MAP2K2: variants seen among roughly 807,000 people sequenced by gnomAD.
MAP2K2 encodes the protein mitogen-activated protein kinase kinase 2.
A neutral mutation model predicts 43.7 loss-of-function variants in MAP2K2; 24 were observed. That is an observed-to-expected ratio of 0.55 (90% CI 0.40 to 0.77). MAP2K2 has a LOEUF of 0.77. Ranked by LOEUF, MAP2K2 falls within the 30% of genes least tolerant of loss-of-function variation. MAP2K2 has a pLI of 0.00. For synonymous variants in MAP2K2, 244 were observed against 239.7 expected (o/e 1.02, Z -0.17); for missense variants, 470 against 566.8 (o/e 0.83, Z 1.73).
rs540808969 is a variant in MAP2K2 at position 4,090,994 on chromosome 19, C to T, written c.1093-286G>A. On this transcript the variant is annotated intron_variant, in intron 10 of 10. Transcript: ENST00000262948. The stretch of plus-strand genomic sequence containing the variant: ...GCGCTCCCAGGGGAGGGTCTACGCT[C>T]GCGCAAGCCCAGGGTCCTCCGGCCG... 1.2e-4 allele frequency among the ~76,000 whole-genome samples: 18 copies of T among 152,336 alleles called. No individual in the cohort carries two copies. In the East Asian group the frequency reaches 2.7e-3, roughly 23 times the overall value.
Position 4,123,916 on chromosome 19 carries a change from G to A in MAP2K2, c.-41C>T, listed in dbSNP as rs773589281. 1 of 1,227,740 alleles carries A rather than the reference G, an allele frequency of 8.1e-7. No homozygotes were observed. The highest frequency in any genetic ancestry group is 2.0e-5 in the South Asian group (1 of 49,542). 76.1% of individuals were successfully genotyped at this position (1,227,740 alleles called of 1,614,324 possible). A position where few individuals can be genotyped will look rare whatever the true frequency, so the allele number is the denominator to read the frequency against. ...CGGCGGCGGCGGCGCCTCTAGCCGG[G>A]GCCCATAGGGGGCGGGCCGGGAGCG... On this transcript the variant is annotated 5_prime_UTR_variant, in exon 1 of 11. Coordinates refer to ENST00000262948, the MANE Select transcript of MAP2K2 (RefSeq NM_030662.4).
At chr19:4,103,446 G>A (rs991324449) in intron 3 of MAP2K2, 1 of 160,458 alleles carries the variant, frequency 6.2e-6, no homozygotes, top group Non-Finnish European at 1.3e-5. Context: ...AGGGGTGACA[G>A]GCCAAGTTCC....
At chr19:4,093,464 G>A (rs1477867936) in intron 10 of MAP2K2, among the ~76,000 whole-genome samples, 1 of 152,122 alleles carries the variant, frequency 6.6e-6, no homozygotes, top group Non-Finnish European at 1.5e-5. Flanking sequence ...GCTGAGGCAG[G>A]TGGATCACCT....
intron 2 of MAP2K2, 105 bp downstream of exon 2, chr19:4,117,314 G>C: frequency 1.9e-6 from 2 of 1,074,548 alleles, no homozygotes; most frequent in Non-Finnish European, 2.7e-6. Flanking sequence ...ACAGAGCCTG[G>C]AGCTAATCAG....
At chr19:4,117,695 G>T in intron 1 of MAP2K2, 66 bp from the exon 2 acceptor site, 1 of 1,475,656 alleles carries the variant, frequency 6.8e-7, no homozygotes, top group Non-Finnish European at 9.5e-7. Flanking sequence ...TTTGCTATGT[G>T]GCCGTGGTGC....
intron 10 of MAP2K2, 48 bp from the exon 11 acceptor site, chr19:4,090,756 G>A: frequency 7.8e-7 from 1 of 1,280,100 alleles, no homozygotes; most frequent in Non-Finnish European, 1.1e-6. Context: ...AGTCACAGTA[G>A]GACGGGGAGG....
chr19:4,093,141 C>T (rs2040870218), intron 10 of MAP2K2, among the ~76,000 whole-genome samples: 1 of 152,136 alleles, frequency 6.6e-6, no homozygotes, highest in Non-Finnish European at 1.5e-5. Flanking sequence ...TTCCCTGAAC[C>T]TGGGAGGCGG....
chr19:4,102,971 G>A (rs1285639584), intron 3 of MAP2K2: 10 of 1,105,210 alleles, frequency 9.0e-6, no homozygotes, highest in South Asian at 2.3e-5. Context: ...GCGGGTCGCT[G>A]TGTGCCCGTC....
At chr19:4,091,190 C>A (rs2040851391) in intron 10 of MAP2K2, among the ~76,000 whole-genome samples, 1 of 152,210 alleles carries the variant, frequency 6.6e-6, no homozygotes, top group African/African-American at 2.4e-5. Context: ...ACAGCCCAGG[C>A]AAGAACGGGC....
At position 4,117,469 on chromosome 19, in the gene MAP2K2, C is replaced by A. The variant is rs142503093; in HGVS notation, c.253G>T (p.Val85Leu). The A allele has an allele frequency of 6.2e-7, 1 of 1,614,112 alleles. No individual in the cohort carries two copies. Among genetic ancestry groups the A allele is most frequent in the Non-Finnish European group, 8.5e-7 (1 of 1,180,042 alleles). Residue 85 changes from valine (V) to leucine (L), a missense_variant, in exon 2 of 11, where the codon GTG becomes TTG. This residue lies in a region of MAP2K2 where 200 missense variants were observed against 297.9 expected (regional missense o/e 0.67). Transcript: ENST00000262948. ...ISELGAGNGG[V>L]VTKVQHRPSG... ...GGTCTGTGCTGGACTTTGGTGACCA[C>A]CCCGCCGTTGCCCGCGCCCAGCTCT...
chr19:4,111,375 T>A (rs2041151960), intron 2 of MAP2K2, among the ~76,000 whole-genome samples: 1 of 152,150 alleles, frequency 6.6e-6, no homozygotes, highest in African/African-American at 2.4e-5. Context: ...GTGAAAGCAT[T>A]TTTCCCCATC....
chr19:4,117,719 A>AATCCAGTCTGTGTCCTCCT, intron 1 of MAP2K2, 90 bp from the exon 2 acceptor site: 2 of 1,156,866 alleles, frequency 1.7e-6, no homozygotes, highest in Non-Finnish European at 2.6e-6. Context: ...GGCCCCCAGG[A>AATCCAGTCTGTGTCCTCCT]GGACACAGAC....
intron 3 of MAP2K2, chr19:4,104,800 A>G (rs1317890913): frequency 6.6e-6 from 1 of 152,344 alleles, no homozygotes; most frequent in East Asian, 1.9e-4. Context: ...TCACAGGAGC[A>G]TCGCTCTCTC....
chr19:4,094,753 GC>G (rs2040891945), intron 9 of MAP2K2: 1 of 547,392 alleles, frequency 1.8e-6, no homozygotes, highest in Non-Finnish European at 3.3e-6. Context: ...GGGAAACCCC[GC>G]CTGGTGGGTC....
intron 3 of MAP2K2, chr19:4,102,657 G>A (rs767454428): frequency 6.1e-6 from 6 of 983,162 alleles, no homozygotes; most frequent in Non-Finnish European, 9.0e-6. Context: ...AGGTGGGGAA[G>A]GAACAGGGCC....
In MAP2K2 at chr19:4,099,248, G is replaced by A. The variant is rs752436529; in HGVS notation, c.872C>T (p.Pro291Leu). The stretch of plus-strand genomic sequence containing the variant: ...CCTCGGCCGAGGCGAGATGCTGTGA[G>A]GCTCTCCTTCTTCCCCGTCGACCAC... ...RPVVDGEEGE[P>L]HSISPRPRPP... Residue 291 changes from proline to leucine, a missense_variant, in exon 7 of 11, where the codon CCT becomes CTT. Coordinates refer to ENST00000262948, the MANE Select transcript of MAP2K2 (RefSeq NM_030662.4). 3 of 1,606,280 alleles carry A rather than the reference G, an allele frequency of 1.9e-6. No individual in the cohort carries two copies. The highest frequency in any genetic ancestry group is 2.5e-6 in the Non-Finnish European group (3 of 1,176,922).
At chr19:4,094,228 C>G (rs1339908132) in intron 10 of MAP2K2, among the ~76,000 whole-genome samples, 1 of 152,160 alleles carries the variant, frequency 6.6e-6, no homozygotes, top group Non-Finnish European at 1.5e-5. Flanking sequence ...AGAGCTGTTC[C>G]CACGCACACA....
chr19:4,101,187 T>TG lies in MAP2K2; in HGVS notation c.580+41dup. 2 of 1,373,868 alleles carry TG rather than the reference T, an allele frequency of 1.5e-6. No individual in the cohort carries two copies. The highest frequency in any genetic ancestry group is 1.9e-6 in the Non-Finnish European group (2 of 1,031,978). 85.1% of individuals were successfully genotyped at this position (1,373,868 alleles called of 1,614,324 possible). ...GGGTGAGGGGCGCCCAACAGTTGCC[T>TG]GCCGGCCCCCGGGGCTCTGGGGAGG... On this transcript the variant is annotated intron_variant, in intron 5 of 10. Coordinates refer to ENST00000262948, the MANE Select transcript of MAP2K2 (RefSeq NM_030662.4). This position sits in a 1 kb window ranked among gnomAD's most constrained non-coding sequence, Gnocchi z 6.3.
chr19:4,113,718 G>A (rs369927969), intron 2 of MAP2K2, among the ~76,000 whole-genome samples: 42 of 152,336 alleles, frequency 2.8e-4, no homozygotes, highest in African/African-American at 9.9e-4. Flanking sequence ...TGGCTCGGAG[G>A]TGGAGACGGT....
Sources: gnomAD v4.1 joint callset for allele counts (sites outside exome capture counted in the v4.1 genomes callset) on GRCh38, gnomAD v4.1.1 for gene constraint, gnomAD v4.1.1 regional missense constraint, Gnocchi (gnomAD v3.1) non-coding constraint, MANE v1.5 for transcripts, NCBI Gene and HGNC (gene_info 2026-07-23, HGNC 2026-07-21) for gene names.